Variants in EVC2 observed in about 807,000 individuals in gnomAD.
EVC2 encodes the protein limbin.
A neutral mutation model predicts 149.3 loss-of-function variants in EVC2; 148 were observed. That is an observed-to-expected ratio of 0.99 (90% CI 0.87 to 1.14). The LOEUF (loss-of-function observed/expected upper bound fraction) is 1.14, where lower values mean the gene tolerates loss of function less well. EVC2 is among the 50% of genes most tolerant of loss of function. EVC2 has a pLI of 0.00. For missense variants in EVC2, 1,854 were observed against 1,627.3 expected, an observed-to-expected ratio of 1.14 and a Z score of -2.40; for synonymous variants, 776 against 649.9, an observed-to-expected ratio of 1.19 and a Z score of -2.95.
intron 9 of EVC2, among the ~76,000 whole-genome samples, chr4:5,660,014 T>G (rs1404885309): frequency 1.3e-5 from 2 of 152,214 alleles, no homozygotes. Context: ...TCACTTAATA[T>G]AATAAGTGAC....
chr4:5,606,771 C>A (rs1714425191), intron 16 of EVC2, among the ~76,000 whole-genome samples: 3 of 152,154 alleles, frequency 2.0e-5, no homozygotes, highest in African/African-American at 7.2e-5. Context: ...TGGGAGGCTA[C>A]AAAGTTGTAA....
chr4:5,662,521 T>C (rs1336183291), intron 9 of EVC2, among the ~76,000 whole-genome samples: 1 of 143,800 alleles, frequency 7.0e-6, no homozygotes, highest in African/African-American at 2.5e-5. Context: ...ATAATATTAA[T>C]ATTAAATATA....
At chr4:5,635,734 G>A (rs1008901670) in intron 10 of EVC2, among the ~76,000 whole-genome samples, 3 of 152,212 alleles carry the variant, frequency 2.0e-5, no homozygotes, top group Non-Finnish European at 2.9e-5. Context: ...TTGTGCTGAG[G>A]ACAAAGACTC....
intron 12 of EVC2, among the ~76,000 whole-genome samples, chr4:5,626,176 G>C (rs886259924): frequency 6.6e-6 from 1 of 152,110 alleles, no homozygotes; most frequent in African/African-American, 2.4e-5. Flanking sequence ...GGACCACTCT[G>C]GTGCAGACAG....
At chr4:5,578,734 G>A (rs1448582412) in intron 17 of EVC2, among the ~76,000 whole-genome samples, 1 of 152,024 alleles carries the variant, frequency 6.6e-6, no homozygotes, top group Non-Finnish European at 1.5e-5. Context: ...TAGATTGGGG[G>A]ATTCAGGGGT....
intron 5 of EVC2, among the ~76,000 whole-genome samples, chr4:5,688,671 G>A (rs368564047): frequency 7.9e-5 from 12 of 152,142 alleles, no homozygotes; most frequent in East Asian, 3.9e-4. Flanking sequence ...AGTTACCCCA[G>A]TGAACATGCT....
chr4:5,641,559 T>C (rs1486822813), intron 9 of EVC2, among the ~76,000 whole-genome samples: 1 of 152,312 alleles, frequency 6.6e-6, no homozygotes, highest in Middle Eastern at 3.4e-3. Flanking sequence ...TAAAACTGTA[T>C]ATACTTCCAG....
At chr4:5,676,134 A>T (rs1719975417) in intron 7 of EVC2, among the ~76,000 whole-genome samples, 1 of 152,138 alleles carries the variant, frequency 6.6e-6, no homozygotes. Flanking sequence ...ACAGAAGGGG[A>T]TATCTAGTGC....
intron 3 of EVC2, among the ~76,000 whole-genome samples, chr4:5,693,002 C>T (rs1232059427): frequency 1.3e-5 from 2 of 152,218 alleles, no homozygotes; most frequent in East Asian, 3.8e-4. Flanking sequence ...CCACTACACC[C>T]CCGCTAATGC....
chr4:5,683,616 G>A (rs1163159104), intron 6 of EVC2, among the ~76,000 whole-genome samples: 1 of 152,120 alleles, frequency 6.6e-6, no homozygotes, highest in African/African-American at 2.4e-5. Flanking sequence ...GGTTCCTAAG[G>A]GGTAGAGTCA....
chr4:5,530,429 T>C, the EVC2 span, among the ~76,000 whole-genome samples: 1 of 152,198 alleles, frequency 6.6e-6, no homozygotes, highest in African/African-American at 2.4e-5. Context: ...TTATTGTATC[T>C]ATTTAAGGTA....
intron 7 of EVC2, among the ~76,000 whole-genome samples, chr4:5,669,336 C>A (rs941281973): frequency 1.3e-5 from 2 of 152,170 alleles, no homozygotes; most frequent in African/African-American, 2.4e-5. Context: ...CACGTATCAT[C>A]CCTGTTCTAC....
chr4:5,586,706 T>C (rs1415479579), intron 16 of EVC2, among the ~76,000 whole-genome samples: 1 of 152,174 alleles, frequency 6.6e-6, no homozygotes, highest in Non-Finnish European at 1.5e-5. Flanking sequence ...TTCAACCAAC[T>C]GCCAATCAGA....
At chr4:5,543,295 G>T in intron 21 of EVC2, 2 of 850,100 alleles carry the variant, frequency 2.4e-6, no homozygotes, top group Non-Finnish European at 1.7e-6. Context: ...CCCCAAGCCG[G>T]CAGGAGCACT....
intron 10 of EVC2, among the ~76,000 whole-genome samples, chr4:5,634,233 G>A (rs958339772): frequency 3.3e-5 from 5 of 152,196 alleles, no homozygotes; most frequent in Non-Finnish European, 5.9e-5. Context: ...TCGACATAAT[G>A]AGTCACTCTA....
intron 16 of EVC2, among the ~76,000 whole-genome samples, chr4:5,606,406 C>A (rs1714393542): frequency 6.6e-6 from 1 of 152,164 alleles, no homozygotes; most frequent in African/African-American, 2.4e-5. Context: ...TTGGCGGAAT[C>A]CACAGAAGGG....
chr4:5,681,315 T>C lies in EVC2; in HGVS notation c.817-2A>G, dbSNP rs1553849894. 1 of 1,614,232 alleles carries C rather than the reference T, an allele frequency of 6.2e-7. No homozygotes were observed. The highest frequency in any genetic ancestry group is 8.5e-7 in the Non-Finnish European group (1 of 1,180,022). On this transcript the variant is annotated splice_acceptor_variant, in intron 6 of 21. Transcript: ENST00000344408. LOFTEE classifies it high-confidence loss of function. ...AAGCACTTTCAGCTGTGTTCTGTTC[T>C]AGAAAAGGAAAAAAGAAAACACTTT...
At position 5,622,359 on chromosome 4, in the gene EVC2, C is replaced by A. The variant is rs561473901; in HGVS notation, c.2501+178G>T. Among the ~76,000 whole-genome samples the A allele has an allele frequency of 6.6e-6, 1 of 151,814 alleles. No individual in the cohort carries two copies. The highest frequency in any genetic ancestry group is 2.4e-5 in the African/African-American group (1 of 41,346). ...TCTGCTCAATCCTTGTAGGGTCCTG[C>A]GTGACATTCGAGGTCCTCCCCCCGG... is the stretch of plus-strand genomic sequence containing the variant. On this transcript the variant is annotated intron_variant, in intron 14 of 21. Coordinates refer to ENST00000344408, the MANE Select transcript of EVC2 (RefSeq NM_147127.5). This position sits in a 1 kb window ranked among gnomAD's most constrained non-coding sequence, Gnocchi z 5.8.
intron 10 of EVC2, among the ~76,000 whole-genome samples, chr4:5,639,569 G>A (rs1717161555): frequency 2.0e-5 from 3 of 152,316 alleles, no homozygotes; most frequent in Non-Finnish European, 4.4e-5. Context: ...ACCCTGAGAG[G>A]TGGCTTGCCA....
Sources: gnomAD v4.1 joint callset for allele counts (sites outside exome capture counted in the v4.1 genomes callset) on GRCh38, gnomAD v4.1.1 for gene constraint, Gnocchi (gnomAD v3.1) non-coding constraint, MANE v1.5 for transcripts, NCBI Gene and HGNC (gene_info 2026-07-23, HGNC 2026-07-21) for gene names.